TMED5: variants seen among roughly 807,000 people sequenced by gnomAD.
TMED5 encodes the protein transmembrane emp24 domain-containing protein 5.
Under a neutral mutation model 23.0 loss-of-function variants are expected in TMED5, and 27 were observed. That is an observed-to-expected ratio of 1.17 (90% CI 0.86 to 1.62). TMED5 has a LOEUF of 1.62. TMED5 is among the 40% of genes most tolerant of loss of function. The pLI is 0.00. For missense variants in TMED5, 248 were observed against 273.7 expected (o/e 0.91, Z 0.66); for synonymous variants, 97 against 100.8 (o/e 0.96, Z 0.23).
At chr1:93,163,427 CT>C (rs1326253772) in intron 1 of TMED5, among the ~76,000 whole-genome samples, 2 of 151,288 alleles carry the variant, frequency 1.3e-5, no homozygotes, top group African/African-American at 4.9e-5. Context: ...TCACTGTAAC[CT>C]CTGGCTCTCA....
chr1:93,179,381 A>C (rs1176377828), intron 1 of TMED5, among the ~76,000 whole-genome samples: 4 of 152,132 alleles, frequency 2.6e-5, no homozygotes, highest in South Asian at 2.1e-4. Context: ...AAAAAAAAAA[A>C]AAAACAATGA....
In TMED5 at chr1:93,154,824, G is replaced by A. The variant is rs201567448; in HGVS notation, c.536C>T (p.Ala179Val). Residue 179 changes from alanine to valine, a missense_variant, in exon 4 of 4, where the codon GCA becomes GTA. By Grantham distance (64) the Ala-to-Val change is moderately conservative. Coordinates refer to ENST00000370282, the MANE Select transcript of TMED5 (RefSeq NM_016040.5). The part of the protein sequence containing the change: ...KSGHIQTLLR[A>V]FEARDRNIQE... ...TATGTTTCGATCACGAGCTTCAAAT[G>A]CTCTAAGCAGAGTTTGTATGTGCCC... 5 of 1,614,002 alleles carry A rather than the reference G, an allele frequency of 3.1e-6. No homozygotes were observed. Among genetic ancestry groups the A allele is most frequent in the Admixed American group, 1.7e-5 (1 of 60,014 alleles).
At chr1:93,178,642 A>G (rs536741118) in intron 1 of TMED5, among the ~76,000 whole-genome samples, 105 of 152,242 alleles carry the variant, frequency 6.9e-4, no homozygotes, top group Middle Eastern at 3.4e-3. Context: ...TGTTCAGTAA[A>G]TGTTGAACTT....
rs2101120347 is a variant in TMED5, at chr1:93,153,461, A to G, written c.*1209T>C. ...CATTTTATAAAATGTACCTGCTTAC[A>G]AAAATAATTCAAACCAGAATTCTTG... On this transcript the variant is annotated 3_prime_UTR_variant, in exon 4 of 4. Transcript: ENST00000370282. The G allele has an allele frequency of 6.6e-6, 1 of 152,302 alleles. No homozygotes were observed. Among genetic ancestry groups the G allele is most frequent in the Non-Finnish European group, 1.5e-5 (1 of 67,986 alleles). The allele number at this position is 152,302 out of a possible 1,614,324, so 9.4% of individuals were successfully genotyped here. A position where few individuals can be genotyped will look rare whatever the true frequency, so the allele number is the denominator to read the frequency against.
rs200579264 is a variant in TMED5 at position 93,165,911 on chromosome 1, T to C, written c.190-5685A>G. 6.6e-5 allele frequency among the ~76,000 whole-genome samples: 10 copies of C among 152,268 alleles called. No individual in the cohort carries two copies. The East Asian group carries it at 1.7e-3, about 26-fold the overall frequency. On this transcript the variant is annotated intron_variant, in intron 1 of 3. Transcript: ENST00000370282. ...ACACCTTCCCCTCCACCCCCCAGCC[T>C]CCCACTACTCTTCCCAGCCTTTGTT...
At chr1:93,175,722 T>A (rs1454142650) in intron 1 of TMED5, among the ~76,000 whole-genome samples, 4 of 152,116 alleles carry the variant, frequency 2.6e-5, no homozygotes, top group South Asian at 2.1e-4. Context: ...TAAAAATTTT[T>A]AAAAATTGAT....
At chr1:93,179,821 A>C in intron 1 of TMED5, 1 of 497,898 alleles carries the variant, frequency 2.0e-6, no homozygotes, top group Non-Finnish European at 3.5e-6. Context: ...CACCGGAGGA[A>C]AGGGGAGAAG....
chr1:93,158,086 T>G (rs1198049978), intron 2 of TMED5, among the ~76,000 whole-genome samples: 1 of 139,016 alleles, frequency 7.2e-6, no homozygotes, highest in Non-Finnish European at 1.5e-5. Context: ...ATCGCGCCAC[T>G]GCACTCCAGC....
At chr1:93,161,905 G>C (rs1648293030) in intron 1 of TMED5, 1 of 152,056 alleles carries the variant, frequency 6.6e-6, no homozygotes, top group South Asian at 2.1e-4. Flanking sequence ...TTTTGTCACA[G>C]ATGCAAATAT....
intron 1 of TMED5, among the ~76,000 whole-genome samples, chr1:93,177,700 T>G (rs1232682334): frequency 6.6e-6 from 1 of 151,394 alleles, no homozygotes; most frequent in Non-Finnish European, 1.5e-5. Flanking sequence ...AATGTAAAAT[T>G]AACATTCATT....
chr1:93,156,181 AAAT>A (rs1441765310), intron 3 of TMED5, 116 bp downstream of exon 3: 28 of 1,175,766 alleles, frequency 2.4e-5, no homozygotes, highest in Non-Finnish European at 2.4e-5. Flanking sequence ...GGCAAAAATA[AAAT>A]ATTAGAAACA....
chr1:93,171,479 C>G (rs1041644705), intron 1 of TMED5, among the ~76,000 whole-genome samples: 9 of 152,158 alleles, frequency 5.9e-5, no homozygotes, highest in Non-Finnish European at 1.3e-4. Flanking sequence ...AGGCCAATTC[C>G]TTGAAAGATA....
chr1:93,155,987 CTATT>C (rs1337002676), intron 3 of TMED5: 26 of 945,320 alleles, frequency 2.8e-5, no homozygotes, highest in Middle Eastern at 2.2e-4. Context: ...GAAGCATAAT[CTATT>C]TATAATTTAA....
In TMED5 at chr1:93,156,365, G is replaced by C. The variant is rs368561350; in HGVS notation, c.406C>G (p.Gln136Glu). Residue 136 changes from glutamine (Q) to glutamate (E), a missense_variant, in exon 3 of 4, where the codon CAA (glutamine) becomes GAA (glutamate). Coordinates refer to ENST00000370282, the MANE Select transcript of TMED5 (RefSeq NM_016040.5). ...GTAATATATTTCTTCCAATCTTCTTGTTCTTGTGCCTGTTCTCCCATATTA... is the reference window on the plus strand; with the variant it reads ...GTAATATATTTCTTCCAATCTTCTTCTTCTTGTGCCTGTTCTCCCATATTA... ...LDNMGEQAQE[Q>E]EDWKKYITGT... is the part of the protein sequence containing the mutation. The C allele has an allele frequency of 7.4e-6, 12 of 1,613,766 alleles. No individual in the cohort carries two copies. The highest frequency in any genetic ancestry group is 1.7e-5 in the Admixed American group (1 of 59,992).
rs1177132695 is a variant in TMED5 at position 93,180,372 on chromosome 1, G to A, written c.-130C>T. On this transcript the variant is annotated 5_prime_UTR_variant, in exon 1 of 4. Coordinates refer to ENST00000370282, the MANE Select transcript of TMED5 (RefSeq NM_016040.5). ...GAAGAAACTCCAGGTGGCGGCCGCG[G>A]CGGCGGCGAACACTCCCTCCGAAAG... The A allele has an allele frequency of 6.1e-6, 8 of 1,308,202 alleles. No individual in the cohort carries two copies. The highest frequency in any genetic ancestry group is 1.5e-5 in the African/African-American group (1 of 65,208). 81.0% of individuals were successfully genotyped at this position (1,308,202 alleles called of 1,614,324 possible).
intron 1 of TMED5, among the ~76,000 whole-genome samples, chr1:93,170,281 TG>T (rs1393526291): frequency 2.0e-5 from 3 of 151,946 alleles, no homozygotes; most frequent in Non-Finnish European, 4.4e-5. Context: ...GAGGCGCGGG[TG>T]GGAACTGGGG....
At chr1:93,158,101 CA>C (rs2101129691) in intron 2 of TMED5, among the ~76,000 whole-genome samples, 1 of 118,356 alleles carries the variant, frequency 8.4e-6, no homozygotes, top group South Asian at 2.6e-4. Context: ...TCCAGCTGGG[CA>C]ACAGAGTGAG....
chr1:93,155,096 A>C (rs1029170607), intron 3 of TMED5, among the ~76,000 whole-genome samples: 1 of 152,006 alleles, frequency 6.6e-6, no homozygotes, highest in East Asian at 1.9e-4. Context: ...GTATGGTAGC[A>C]CCAAGTGTGG....
At chr1:93,159,869 GA>G (rs1460904363) in intron 2 of TMED5, among the ~76,000 whole-genome samples, 3 of 152,190 alleles carry the variant, frequency 2.0e-5, no homozygotes, top group African/African-American at 4.8e-5. Context: ...AGATTGAATG[GA>G]ATACCAGGGG....
Sources: gnomAD v4.1 joint callset for allele counts (sites outside exome capture counted in the v4.1 genomes callset) on GRCh38, gnomAD v4.1.1 for gene constraint, MANE v1.5 for transcripts, NCBI Gene and HGNC (gene_info 2026-07-23, HGNC 2026-07-21) for gene names.